SPDYA: variants seen among roughly 807,000 people sequenced by gnomAD.
The protein encoded by SPDYA is speedy protein A.
In SPDYA, 11 loss-of-function variants were observed where a neutral mutation model predicts 36.7. The ratio of observed to expected loss-of-function variants is 0.30; its 90% CI spans 0.19 to 0.50. The LOEUF (loss-of-function observed/expected upper bound fraction) is 0.50, where lower values mean the gene tolerates loss of function less well. SPDYA is among the 20% of genes least tolerant of loss of function. The pLI is 0.98. For missense variants in SPDYA, 287 were observed against 370.9 expected (o/e 0.77, Z 1.86); for synonymous variants, 115 against 118.7 (o/e 0.97, Z 0.20).
chr2:28,828,478 AC>A (rs1172848839), intron 5 of SPDYA, among the ~76,000 whole-genome samples: 3 of 152,192 alleles, frequency 2.0e-5, no homozygotes, highest in Non-Finnish European at 4.4e-5. Context: ...TGTCTACTTA[AC>A]TTTTTGAACA....
intron 1 of SPDYA, 38 bp downstream of exon 1, chr2:28,810,985 G>C (rs970961621): frequency 4.6e-5 from 7 of 152,298 alleles, no homozygotes; most frequent in Non-Finnish European, 8.8e-5. Context: ...CCTCGCAGGC[G>C]AATCTCCAGT....
rs1668720508 is a variant in SPDYA, at chr2:28,840,379, G to A, written c.760G>A (p.Gly254Arg). 6.2e-7 allele frequency: 1 copy of A among 1,612,200 alleles called. No individual in the cohort carries two copies. ...ATCATCTTTATCCAGTCATACAGCA[G>A]GGGTGACAGAAAAACATTCTCAGGA... Reference protein sequence around the residue: ...SSSSLSSHTAGVTEKHSQDSY... With the variant: ...SSSSLSSHTARVTEKHSQDSY... The change falls in exon 7 of 8, where the codon GGG (glycine) becomes AGG (arginine). Residue 254 changes from glycine to arginine, a missense_variant. Physicochemically the swap from Gly to Arg is moderately radical, Grantham distance 125. Coordinates refer to ENST00000334056, the MANE Select transcript of SPDYA (RefSeq NM_182756.4).
At chr2:28,840,733 T>A (rs1023370412) in intron 7 of SPDYA, 6 of 1,150,136 alleles carry the variant, frequency 5.2e-6, no homozygotes, top group Non-Finnish European at 6.4e-6. Context: ...AGAGCCTGAA[T>A]CATTTTTTTG....
rs56865803 is a variant in SPDYA, at chr2:28,834,081, A to AACACACACACAC, written c.552+4785_552+4796dup. Reference sequence around the variant, plus strand: ...CCAAAGAAGGTATGCAAATTGCTAAAACACACACACACACACACACACACA... The same window carrying AACACACACACAC: ...CCAAAGAAGGTATGCAAATTGCTAAAACACACACACACACACACACACACACACACACACACA... On this transcript the variant is annotated intron_variant, in intron 6 of 7. Coordinates refer to ENST00000334056, the MANE Select transcript of SPDYA (RefSeq NM_182756.4). 1.3e-3 allele frequency among the ~76,000 whole-genome samples: 193 copies of AACACACACACAC among 146,974 alleles called. 2 individuals are homozygous for AACACACACACAC. Among genetic ancestry groups the AACACACACACAC allele is most frequent in the African/African-American group, 3.9e-3 (156 of 39,960 alleles).
At chr2:28,843,602 T>G (rs1037074179) in intron 7 of SPDYA, among the ~76,000 whole-genome samples, 3 of 152,184 alleles carry the variant, frequency 2.0e-5, no homozygotes, top group Admixed American at 6.5e-5. Flanking sequence ...AGCATTCTTT[T>G]TTTTTTAGAT....
Position 28,811,313 on chromosome 2 carries a change from T to C in SPDYA, c.-93+366T>C, listed in dbSNP as rs1329925321. On this transcript the variant is annotated intron_variant, in intron 1 of 7. Transcript: ENST00000334056. The surrounding 1 kb of genome is among the most constrained non-coding windows in gnomAD (Gnocchi z 4.2). ...GGCCGTCTGCTCGGAGGGAGGGCCCTGGGCAGGCGCTCCCGTCTCCACGTG... is the reference window on the plus strand; with the variant it reads ...GGCCGTCTGCTCGGAGGGAGGGCCCCGGGCAGGCGCTCCCGTCTCCACGTG... 6.6e-6 allele frequency: 1 copy of C among 152,284 alleles called. No individual in the cohort carries two copies. Among genetic ancestry groups the C allele is most frequent in the Non-Finnish European group, 1.5e-5 (1 of 68,104 alleles). The allele number at this position is 152,284 out of a possible 1,614,324, so 9.4% of individuals were successfully genotyped here. A position where few individuals can be genotyped will look rare whatever the true frequency, so the allele number is the denominator to read the frequency against.
chr2:28,827,750 G>A (rs1668368201), intron 5 of SPDYA, among the ~76,000 whole-genome samples: 1 of 151,862 alleles, frequency 6.6e-6, no homozygotes, highest in Admixed American at 6.6e-5. Flanking sequence ...TGTGCTTTGA[G>A]GTTCATTGAA....
chr2:28,829,667 G>A (rs1668424684), intron 6 of SPDYA, among the ~76,000 whole-genome samples: 1 of 151,822 alleles, frequency 6.6e-6, no homozygotes, highest in Non-Finnish European at 1.5e-5. Flanking sequence ...AATTAGGCTG[G>A]GTGCGGTGGC....
At chr2:28,820,502 C>T (rs1395857334) in intron 4 of SPDYA, among the ~76,000 whole-genome samples, 2 of 152,028 alleles carry the variant, frequency 1.3e-5, no homozygotes, top group African/African-American at 4.8e-5. Context: ...AGGAGAATTG[C>T]TTGATCCCAG....
chr2:28,844,229 A>G (rs529068697), intron 7 of SPDYA, among the ~76,000 whole-genome samples: 2 of 152,336 alleles, frequency 1.3e-5, no homozygotes, highest in South Asian at 2.1e-4. Flanking sequence ...GAGGAGCACA[A>G]AAGATTTCAG....
At chr2:28,839,658 C>A (rs1179922891) in intron 6 of SPDYA, among the ~76,000 whole-genome samples, 1 of 152,112 alleles carries the variant, frequency 6.6e-6, no homozygotes, top group Non-Finnish European at 1.5e-5. Flanking sequence ...CCCACAACCA[C>A]GCCCGGCTAA....
At chr2:28,822,819 G>C (rs1337300837) in intron 5 of SPDYA, among the ~76,000 whole-genome samples, 1 of 152,244 alleles carries the variant, frequency 6.6e-6, no homozygotes, top group African/African-American at 2.4e-5. Flanking sequence ...TGTTGGCCAG[G>C]ATGGTCTTGA....
At position 28,829,169 on chromosome 2, in the gene SPDYA, AGAAGAT is replaced by A; in HGVS notation, c.408_413del (p.Asp136_Glu137del). The A allele has an allele frequency of 6.2e-7, 1 of 1,613,574 alleles. No individual in the cohort carries two copies. Among genetic ancestry groups the A allele is most frequent in the Non-Finnish European group, 8.5e-7 (1 of 1,179,886 alleles). ...TTAGGTATCTGGCTAATACAGTTGA[AGAAGAT>A]GAAGAAGAAACCAAGTACGAAATTT... On this transcript the variant is annotated inframe_deletion, in exon 6 of 8. Transcript: ENST00000334056.
intron 3 of SPDYA, 146 bp downstream of exon 3, chr2:28,816,395 A>G (rs1667984517): frequency 3.1e-6 from 2 of 652,130 alleles, no homozygotes; most frequent in Admixed American, 3.7e-5. Context: ...TTTTTGTTTT[A>G]CTTAGTCTTT....
At chr2:28,819,841 AAAAAAAAAATATATATATATAT>A (rs1370626890) in intron 4 of SPDYA, among the ~76,000 whole-genome samples, 4 of 49,928 alleles carry the variant, frequency 8.0e-5, no homozygotes, top group African/African-American at 3.7e-4. Context: ...AAAAAAAAAA[AAAAAAAAAATATATATATATAT>A]ATATATATAT....
intron 3 of SPDYA, among the ~76,000 whole-genome samples, chr2:28,818,553 C>G (rs1486711590): frequency 2.0e-5 from 3 of 151,592 alleles, no homozygotes; most frequent in African/African-American, 7.3e-5. Context: ...TATTTTAGCC[C>G]TTTAGAATTG....
chr2:28,832,334 A>G (rs1668498305), intron 6 of SPDYA, among the ~76,000 whole-genome samples: 1 of 152,172 alleles, frequency 6.6e-6, no homozygotes, highest in South Asian at 2.1e-4. Context: ...TTTTGAGGAT[A>G]CCAGGTTTTT....
At chr2:28,849,434 G>A (rs1329607406) in intron 7 of SPDYA, among the ~76,000 whole-genome samples, 1 of 152,202 alleles carries the variant, frequency 6.6e-6, no homozygotes, top group Non-Finnish European at 1.5e-5. Flanking sequence ...TGGGATTACA[G>A]GTGCCCGCCA....
Position 28,811,658 on chromosome 2 carries a change from T to A in SPDYA, c.-93+711T>A, listed in dbSNP as rs1325665131. Among the ~76,000 whole-genome samples the A allele has an allele frequency of 6.6e-6, 1 of 150,864 alleles. No homozygotes were observed. Among genetic ancestry groups the A allele is most frequent in the Non-Finnish European group, 1.5e-5 (1 of 67,738 alleles). ...CGAAAACCCCGTCTCTACAAAAAAA[T>A]AATGAAAAAAAAAATTAACCGGGCA... On this transcript the variant is annotated intron_variant, in intron 1 of 7. Transcript: ENST00000334056. The surrounding 1 kb of genome is among the most constrained non-coding windows in gnomAD (Gnocchi z 4.2).
Sources: gnomAD v4.1 joint callset for allele counts (sites outside exome capture counted in the v4.1 genomes callset) on GRCh38, gnomAD v4.1.1 for gene constraint, Gnocchi (gnomAD v3.1) non-coding constraint, MANE v1.5 for transcripts, NCBI Gene and HGNC (gene_info 2026-07-23, HGNC 2026-07-21) for gene names.